Variants in EPB41L4A observed in about 807,000 individuals in gnomAD.
EPB41L4A encodes the protein erythrocyte membrane protein band 4.1 like 4A.
A neutral mutation model predicts 108.6 loss-of-function variants in EPB41L4A; 100 were observed. The ratio of observed to expected loss-of-function variants is 0.92; its 90% CI spans 0.78 to 1.09. The LOEUF (loss-of-function observed/expected upper bound fraction) is 1.09, where lower values mean the gene tolerates loss of function less well. Among genes scored for constraint, EPB41L4A ranks in the 50% least tolerant of loss-of-function variants. The pLI is 0.00. For synonymous variants in EPB41L4A, 319 were observed against 289.0 expected, an observed-to-expected ratio of 1.10 and a Z score of -1.05; for missense variants, 1,030 against 842.7, an observed-to-expected ratio of 1.22 and a Z score of -2.75.
intron 12 of EPB41L4A, among the ~76,000 whole-genome samples, chr5:112,212,750 C>A (rs1747291088): frequency 6.6e-6 from 1 of 152,102 alleles, no homozygotes; most frequent in Admixed American, 6.5e-5. Flanking sequence ...GCAGAGAGAC[C>A]AATACCCAGT....
At chr5:112,303,130 T>G (rs79948785) in intron 2 of EPB41L4A, among the ~76,000 whole-genome samples, 84 of 152,328 alleles carry the variant, frequency 5.5e-4, no homozygotes, top group African/African-American at 1.9e-3. Context: ...GCAACAGGAC[T>G]CACATTATCA....
intron 9 of EPB41L4A, 47 bp downstream of exon 9, chr5:112,259,182 C>G: frequency 7.1e-7 from 1 of 1,409,918 alleles, no homozygotes; most frequent in Non-Finnish European, 1.0e-6. Context: ...CAAATGAACA[C>G]ACAAGACACC....
chr5:112,275,102 G>T (rs571240049), intron 4 of EPB41L4A: 32 of 430,884 alleles, frequency 7.4e-5, no homozygotes, highest in African/African-American at 6.4e-4. Flanking sequence ...GATGCAAAAT[G>T]TATCATCATG....
intron 12 of EPB41L4A, among the ~76,000 whole-genome samples, chr5:112,211,854 A>G (rs1362518181): frequency 1.3e-5 from 2 of 152,240 alleles, no homozygotes; most frequent in African/African-American, 2.4e-5. Flanking sequence ...ATGGGATTCC[A>G]TATCTGAATT....
chr5:112,259,999 C>A lies in EPB41L4A; in HGVS notation c.643-20G>T. On this transcript the variant is annotated intron_variant, in intron 7 of 22. Transcript: ENST00000261486. ...TTCTCCCTGCAAAAACAAACATATG[C>A]CTATAACCACATATTCACATAAAAT... 6.7e-7 allele frequency: 1 copy of A among 1,497,978 alleles called. No homozygotes were observed. The highest frequency in any genetic ancestry group is 1.1e-5 in the South Asian group (1 of 88,426). 92.8% of individuals were successfully genotyped at this position (1,497,978 alleles called of 1,614,324 possible). A position where few individuals can be genotyped will look rare whatever the true frequency, so the allele number is the denominator to read the frequency against.
chr5:112,355,368 T>A (rs1355936440), intron 1 of EPB41L4A, among the ~76,000 whole-genome samples: 1 of 152,230 alleles, frequency 6.6e-6, no homozygotes, highest in African/African-American at 2.4e-5. Flanking sequence ...AAATTAAGTA[T>A]GAAATTTCTT....
At chr5:112,314,521 AAAAAAAAAAAAAAAAAAG>A (rs1307684853) in intron 1 of EPB41L4A, among the ~76,000 whole-genome samples, 13 of 128,082 alleles carry the variant, frequency 1.0e-4, no homozygotes, top group Admixed American at 3.1e-4. Context: ...AAAAAAAAAA[AAAAAAAAAAAAAAAAAAG>A]AAAAGAAATT....
At chr5:112,174,199 C>T (rs1435274776) in intron 18 of EPB41L4A, among the ~76,000 whole-genome samples, 2 of 152,188 alleles carry the variant, frequency 1.3e-5, no homozygotes, top group African/African-American at 4.8e-5. Context: ...ACACAAGCTG[C>T]ATGTTAATGA....
intron 7 of EPB41L4A, among the ~76,000 whole-genome samples, chr5:112,262,040 C>T (rs140256845): frequency 0.015 from 2,345 of 152,020 alleles, 57 homozygotes; most frequent in African/African-American, 0.053. Flanking sequence ...TACAGGCGCC[C>T]GCCACCACGT....
chr5:112,299,947 T>G (rs1411097670), intron 2 of EPB41L4A, among the ~76,000 whole-genome samples: 2 of 152,166 alleles, frequency 1.3e-5, no homozygotes, highest in East Asian at 3.8e-4. Flanking sequence ...TCTTAAAGTT[T>G]GTTTTGACTG....
At chr5:112,348,021 A>G (rs1290879676) in intron 1 of EPB41L4A, among the ~76,000 whole-genome samples, 2 of 152,178 alleles carry the variant, frequency 1.3e-5, no homozygotes, top group African/African-American at 2.4e-5. Context: ...CTTCTCTACT[A>G]TGTGGCTCAA....
chr5:112,154,285 C>T (rs542889315), intron 12 of EPB41L4A, among the ~76,000 whole-genome samples: 14 of 152,298 alleles, frequency 9.2e-5, no homozygotes, highest in African/African-American at 1.4e-4. Context: ...CTCTGTACAA[C>T]GCACTCAGGG....
At chr5:112,356,294 T>C (rs1200900580) in intron 1 of EPB41L4A, among the ~76,000 whole-genome samples, 5 of 152,142 alleles carry the variant, frequency 3.3e-5, no homozygotes, top group South Asian at 2.1e-4. Context: ...ATGGGAGAAC[T>C]GTAGAGGTTA....
At chr5:112,213,943 T>A (rs916179570) in intron 12 of EPB41L4A, among the ~76,000 whole-genome samples, 1 of 152,224 alleles carries the variant, frequency 6.6e-6, no homozygotes, top group Non-Finnish European at 1.5e-5. Flanking sequence ...CTGTCCAAAT[T>A]AGTAAGATTT....
rs200940337 is a variant in EPB41L4A, at chr5:112,187,853, G to A, written c.1503-3718C>T. Among the ~76,000 whole-genome samples the A allele has an allele frequency of 9.9e-5, 15 of 152,264 alleles. No individual in the cohort carries two copies. In the East Asian group the frequency reaches 2.5e-3, roughly 25 times the overall value. ...AGAATGTAAAATGAAGCTTCAAGAT[G>A]ATACAAGCCATAAACATTGCTCCTG... On this transcript the variant is annotated intron_variant, in intron 17 of 22. Coordinates refer to ENST00000261486, the MANE Select transcript of EPB41L4A (RefSeq NM_022140.5).
intron 1 of EPB41L4A, among the ~76,000 whole-genome samples, chr5:112,388,474 G>T (rs1760712079): frequency 6.6e-6 from 1 of 152,160 alleles, no homozygotes; most frequent in Non-Finnish European, 1.5e-5. Flanking sequence ...CCTTCAATTA[G>T]AATTTATAGT....
chr5:112,230,711 AG>A (rs1748853189), intron 12 of EPB41L4A, among the ~76,000 whole-genome samples: 1 of 152,172 alleles, frequency 6.6e-6, no homozygotes, highest in Admixed American at 6.5e-5. Flanking sequence ...TTTGCTGTGC[AG>A]AAGCTTTTCA....
chr5:112,368,160 A>G (rs1365397765), intron 1 of EPB41L4A, among the ~76,000 whole-genome samples: 1 of 152,170 alleles, frequency 6.6e-6, no homozygotes, highest in East Asian at 1.9e-4. Flanking sequence ...TTATTACTCA[A>G]CTTATTATCT....
intron 1 of EPB41L4A, among the ~76,000 whole-genome samples, chr5:112,337,672 A>T (rs1757009779): frequency 6.6e-6 from 1 of 152,194 alleles, no homozygotes; most frequent in Non-Finnish European, 1.5e-5. Flanking sequence ...TCAATAAAGC[A>T]TCTCCTGCCC....
Sources: allele counts gnomAD v4.1 joint callset (sites outside exome capture counted in the v4.1 genomes callset), GRCh38; gene constraint gnomAD v4.1.1; transcripts MANE v1.5; gene names NCBI Gene and HGNC (gene_info 2026-07-23, HGNC 2026-07-21).